Variants in THSD7A observed in about 807,000 individuals in gnomAD.
THSD7A encodes the protein thrombospondin type-1 domain-containing protein 7A.
A neutral mutation model predicts 231.3 loss-of-function variants in THSD7A; 96 were observed. The observed-to-expected ratio is 0.41, with a 90% CI of 0.35 to 0.49. The LOEUF (loss-of-function observed/expected upper bound fraction) is 0.49, where lower values mean the gene tolerates loss of function less well. Among genes scored for constraint, THSD7A ranks in the 20% least tolerant of loss-of-function variants. The pLI is 0.05. For synonymous variants in THSD7A, 940 were observed against 743.3 expected, an observed-to-expected ratio of 1.26 and a Z score of -4.30; for missense variants, 2,290 against 2,070.2, an observed-to-expected ratio of 1.11 and a Z score of -2.06.
chr7:11,457,648 A>G (rs1785352077), intron 11 of THSD7A, among the ~76,000 whole-genome samples: 1 of 152,050 alleles, frequency 6.6e-6, no homozygotes, highest in East Asian at 1.9e-4. Flanking sequence ...CTTATCGAAC[A>G]AGGTCTAAAA....
At chr7:11,441,418 C>T (rs1784799735) in intron 13 of THSD7A, among the ~76,000 whole-genome samples, 1 of 151,858 alleles carries the variant, frequency 6.6e-6, no homozygotes, top group African/African-American at 2.4e-5. Context: ...ATAAGCTGGG[C>T]TACCTCTAAG....
rs151259717 is a variant in THSD7A at position 11,711,452 on chromosome 7, C to T, written c.191-74491G>A. ...CCTTAATCTGATATTGATCTGCTGA[C>T]GAATTAAATTTCTCTATTCCTACAT... On this transcript the variant is annotated intron_variant, in intron 1 of 27. Transcript: ENST00000423059. Among the ~76,000 whole-genome samples, 703 of 151,154 alleles carry T rather than the reference C, an allele frequency of 4.7e-3. 4 individuals are homozygous for T. The highest frequency in any genetic ancestry group is 0.014 in the Middle Eastern group (4 of 294).
intron 22 of THSD7A, among the ~76,000 whole-genome samples, chr7:11,403,875 G>T (rs1354453110): frequency 6.6e-6 from 1 of 152,086 alleles, no homozygotes. Flanking sequence ...GCCTGCCAAA[G>T]ATATGACAAT....
intron 1 of THSD7A, among the ~76,000 whole-genome samples, chr7:11,769,210 C>G (rs1257020163): frequency 1.5e-5 from 2 of 137,676 alleles, no homozygotes; most frequent in Non-Finnish European, 3.1e-5. Context: ...TTAGCCAGGC[C>G]GGTCTCAAAC....
intron 4 of THSD7A, among the ~76,000 whole-genome samples, chr7:11,552,739 C>G (rs1789683090): frequency 6.6e-6 from 1 of 152,072 alleles, no homozygotes; most frequent in South Asian, 2.1e-4. Context: ...TCTTTATGAG[C>G]CACATACGTG....
rs1211347519 is a variant in THSD7A, at chr7:11,371,545, T to G, written c.*4249A>C. On this transcript the variant is annotated 3_prime_UTR_variant, in exon 28 of 28. Coordinates refer to ENST00000423059, the MANE Select transcript of THSD7A (RefSeq NM_015204.3). ...TTATAAACAGGAGATCCCAGATCAT[T>G]TGGGAATTGTGCTTCTCATGTACTA... is the stretch of plus-strand genomic sequence containing the variant. The G allele has an allele frequency of 1.3e-5, 2 of 152,114 alleles. No homozygotes were observed. Among genetic ancestry groups the G allele is most frequent in the South Asian group, 2.1e-4 (1 of 4,828 alleles). 9.4% of individuals were successfully genotyped at this position (152,114 alleles called of 1,614,324 possible). A position where few individuals can be genotyped will look rare whatever the true frequency, so the allele number is the denominator to read the frequency against.
rs1786444091 is a variant in THSD7A at position 11,481,941 on chromosome 7, GGAAGATGGC to G, written c.1855_1863del (p.Ala619_Phe621del). On this transcript the variant is annotated inframe_deletion, in exon 7 of 28. Coordinates refer to ENST00000423059, the MANE Select transcript of THSD7A (RefSeq NM_015204.3). ...GGGGCATCACAGGCCACAGGGATGG[GGAAGATGGC>G]ATCTCTGCACAGCTGTCTGTCAACT... is the stretch of plus-strand genomic sequence containing the variant. The G allele has an allele frequency of 1.2e-6, 2 of 1,613,390 alleles. No homozygotes were observed. Among genetic ancestry groups the G allele is most frequent in the Non-Finnish European group, 1.7e-6 (2 of 1,179,576 alleles).
chr7:11,678,742 G>C (rs917401978), intron 1 of THSD7A, among the ~76,000 whole-genome samples: 1 of 152,122 alleles, frequency 6.6e-6, no homozygotes, highest in Non-Finnish European at 1.5e-5. Context: ...GGACAAGACA[G>C]ATTCACAGCC....
chr7:11,566,525 T>C (rs1257330467), intron 4 of THSD7A, among the ~76,000 whole-genome samples: 1 of 152,178 alleles, frequency 6.6e-6, no homozygotes, highest in East Asian at 1.9e-4. Context: ...CACAAGGTGC[T>C]CCAAAGTACC....
chr7:11,429,741 AT>A (rs1784423036), intron 13 of THSD7A, among the ~76,000 whole-genome samples: 1 of 152,210 alleles, frequency 6.6e-6, no homozygotes, highest in African/African-American at 2.4e-5. Flanking sequence ...TTATGTATGA[AT>A]TGTGCAAGTA....
intron 13 of THSD7A, among the ~76,000 whole-genome samples, chr7:11,431,222 C>CT (rs1437820395): frequency 1.3e-5 from 2 of 152,138 alleles, no homozygotes; most frequent in Non-Finnish European, 1.5e-5. Flanking sequence ...TCCAGTTTAT[C>CT]TTTTTTCCTT....
intron 1 of THSD7A, among the ~76,000 whole-genome samples, chr7:11,780,995 C>A (rs1253740386): frequency 3.7e-5 from 1 of 27,078 alleles, no homozygotes; most frequent in African/African-American, 1.3e-4. Flanking sequence ...GAGACTCCGT[C>A]TCAAAAAAAA....
intron 23 of THSD7A, among the ~76,000 whole-genome samples, chr7:11,398,573 T>TA (rs1175392007): frequency 8.5e-5 from 13 of 152,154 alleles, no homozygotes; most frequent in African/African-American, 3.1e-4. Flanking sequence ...TAATTCATAT[T>TA]AAGAAAAGAA....
chr7:11,799,628 C>A (rs1784223252), intron 1 of THSD7A, among the ~76,000 whole-genome samples: 1 of 152,178 alleles, frequency 6.6e-6, no homozygotes, highest in Non-Finnish European at 1.5e-5. Flanking sequence ...TCCTCAGTGT[C>A]ATCCTAAAGC....
intron 17 of THSD7A, among the ~76,000 whole-genome samples, chr7:11,414,339 C>T (rs1380076409): frequency 6.6e-6 from 1 of 152,182 alleles, no homozygotes; most frequent in Non-Finnish European, 1.5e-5. Flanking sequence ...ATTTTTGGTA[C>T]GTGGGACACG....
intron 4 of THSD7A, among the ~76,000 whole-genome samples, chr7:11,585,642 A>G (rs749385859): frequency 1.3e-5 from 2 of 152,232 alleles, no homozygotes; most frequent in Non-Finnish European, 2.9e-5. Context: ...AAAAACAAGT[A>G]AGATCATTCA....
intron 13 of THSD7A, among the ~76,000 whole-genome samples, chr7:11,432,841 T>C (rs1374966312): frequency 2.6e-5 from 4 of 152,040 alleles, no homozygotes; most frequent in Admixed American, 6.6e-5. Flanking sequence ...AGGAGACAAA[T>C]GGATAAATTG....
intron 4 of THSD7A, among the ~76,000 whole-genome samples, chr7:11,555,138 C>T (rs1789792716): frequency 6.6e-6 from 1 of 151,698 alleles, no homozygotes; most frequent in African/African-American, 2.4e-5. Flanking sequence ...TTCTTGCTTT[C>T]AACTCATTTC....
intron 7 of THSD7A, among the ~76,000 whole-genome samples, chr7:11,475,109 AG>A (rs939485788): frequency 1.3e-5 from 2 of 152,180 alleles, no homozygotes; most frequent in African/African-American, 4.8e-5. Context: ...TGGAGTGTAG[AG>A]TTCACATCAG....
Sources: allele counts gnomAD v4.1 joint callset (sites outside exome capture counted in the v4.1 genomes callset), GRCh38; gene constraint gnomAD v4.1.1; transcripts MANE v1.5; gene names NCBI Gene and HGNC (gene_info 2026-07-23, HGNC 2026-07-21).